Variants in CRHBP observed in about 807,000 individuals in gnomAD.
CRHBP encodes corticotropin releasing hormone binding protein.
In CRHBP, 19 loss-of-function variants were observed where a neutral mutation model predicts 34.9. That is an observed-to-expected ratio of 0.55 (90% CI 0.38 to 0.80). The LOEUF (loss-of-function observed/expected upper bound fraction) is 0.80, where lower values mean the gene tolerates loss of function less well. Ranked by LOEUF, CRHBP falls within the 30% of genes least tolerant of loss-of-function variation. The pLI, the probability that CRHBP is intolerant of heterozygous loss-of-function variation, is 0.00. For synonymous variants in CRHBP, 154 were observed against 153.4 expected, an observed-to-expected ratio of 1.00 and a Z score of -0.03; for missense variants, 328 against 409.2, an observed-to-expected ratio of 0.80 and a Z score of 1.71.
At chr5:76,973,929 G>T (rs1039204535), downstream of CRHBP, among the ~76,000 whole-genome samples, 1 of 149,564 alleles carries the variant, frequency 6.7e-6, no homozygotes, top group Non-Finnish European at 1.5e-5. Context: ...TCAGCCTCCC[G>T]AGAAGCTGGG....
chr5:76,953,733 C>T, intron 2 of CRHBP, 39 bp downstream of exon 2: 1 of 1,560,356 alleles, frequency 6.4e-7, no homozygotes, highest in Non-Finnish European at 8.7e-7. Context: ...GCCCGGGACG[C>T]GGGGAAGGTG....
At position 76,954,066 on chromosome 5, in the gene CRHBP, C is replaced by T; in HGVS notation, c.213C>T (p.Thr71=). ...TGCTGAGCCTCCAGGGCCAGTTCAC[C>T]TTCACCGCCGACCGGCCGCAGCTGC... ...LDMLSLQGQF[T]FTADRPQLHC... The change falls in exon 3 of 7, where the codon ACC becomes ACT. Residue 71 remains threonine, a synonymous_variant. Transcript: ENST00000274368. The T allele has an allele frequency of 6.2e-7, 1 of 1,613,984 alleles. No individual in the cohort carries two copies. The highest frequency in any genetic ancestry group is 1.1e-5 in the South Asian group (1 of 91,080).
intron 1 of CRHBP, 190 bp from the exon 2 acceptor site, chr5:76,953,411 T>A: frequency 1.2e-6 from 1 of 844,882 alleles, no homozygotes; most frequent in Non-Finnish European, 1.9e-6. Flanking sequence ...CCTGCCTTCC[T>A]CTGGCCGCTG....
intron 2 of CRHBP, 140 bp downstream of exon 2, chr5:76,953,834 C>T: frequency 1.7e-6 from 2 of 1,170,342 alleles, no homozygotes; most frequent in Non-Finnish European, 2.3e-6. Flanking sequence ...AGCTAAGGAT[C>T]GGTCCGCGGA....
intron 1 of CRHBP, 40 bp downstream of exon 1, chr5:76,953,255 G>C (rs375478994): frequency 1.3e-6 from 2 of 1,591,974 alleles, no homozygotes; most frequent in African/African-American, 2.7e-5. Context: ...CCTTCCTTGC[G>C]TGTTAGCCCT....
chr5:76,954,237 T>C (rs1452604233), intron 3 of CRHBP, 51 bp downstream of exon 3: 4 of 1,588,466 alleles, frequency 2.5e-6, no homozygotes, highest in Admixed American at 1.7e-5. Flanking sequence ...ACGGGAGGGT[T>C]GGAAAGGGCT....
chr5:76,972,570 G>A (rs1379411984), downstream of CRHBP, among the ~76,000 whole-genome samples: 2 of 152,188 alleles, frequency 1.3e-5, no homozygotes, highest in African/African-American at 2.4e-5. Context: ...GGGCTCAAGC[G>A]ATCCACCCAC....
At position 76,955,958 on chromosome 5, in the gene CRHBP, A is replaced by T. The variant is rs1745662024; in HGVS notation, c.544+95A>T. 5 of 1,051,474 alleles carry T rather than the reference A, an allele frequency of 4.8e-6. No individual in the cohort carries two copies. The South Asian group carries it at 8.8e-5, about 18-fold the overall frequency. 65.1% of individuals were successfully genotyped at this position (1,051,474 alleles called of 1,614,324 possible). A position where few individuals can be genotyped will look rare whatever the true frequency, so the allele number is the denominator to read the frequency against. On this transcript the variant is annotated intron_variant, in intron 4 of 6. Coordinates refer to ENST00000274368, the MANE Select transcript of CRHBP (RefSeq NM_001882.4). ...AGACTTAAAGAAATTTGAACTGAGG[A>T]ATGATTTGAATGGAAATTTTTTTGT...
At position 76,958,758 on chromosome 5, in the gene CRHBP, C is replaced by T; in HGVS notation, c.562C>T (p.Gln188Ter). Residue 188 changes from glutamine (Q) to a stop codon, truncating the protein, a stop_gained, in exon 5 of 7, where the codon CAG (glutamine) becomes TAG (stop). Transcript: ENST00000274368. LOFTEE classifies it high-confidence loss of function. ...PNLFPCNVIS[Q>*]TPNGKFTLVV... The stretch of plus-strand genomic sequence containing the variant: ...CTACAAAGCTTGCAATGTCATTTCT[C>T]AGACTCCAAATGGAAAGTTTACCCT... 6.2e-7 allele frequency: 1 copy of T among 1,607,578 alleles called. No individual in the cohort carries two copies.
chr5:76,953,224 C>A lies in CRHBP; in HGVS notation c.81+9C>A. The A allele has an allele frequency of 6.2e-7, 1 of 1,613,092 alleles. No homozygotes were observed. Among genetic ancestry groups the A allele is most frequent in the Non-Finnish European group, 8.5e-7 (1 of 1,179,074 alleles). The stretch of plus-strand genomic sequence containing the variant: ...AAAGCCGGTACCTAGAGGTGAGCCA[C>A]CCCTGGACTGACCCATCTCACCTTC... On this transcript the variant is annotated intron_variant, in intron 1 of 6. Coordinates refer to ENST00000274368, the MANE Select transcript of CRHBP (RefSeq NM_001882.4).
chr5:76,970,802 A>C (rs1745933846), downstream of CRHBP, among the ~76,000 whole-genome samples: 1 of 152,206 alleles, frequency 6.6e-6, no homozygotes, highest in Non-Finnish European at 1.5e-5. Flanking sequence ...AACTTCTTTT[A>C]TTCCTAAGGG....
chr5:76,953,906 C>T, intron 2 of CRHBP, 123 bp from the exon 3 acceptor site: 2 of 1,302,132 alleles, frequency 1.5e-6, no homozygotes, highest in Non-Finnish European at 2.1e-6. Flanking sequence ...GCAGCCTAGG[C>T]TGGAAGTCGG....
chr5:76,975,832 A>ATCTATCTATCTATC (rs1266226710), intron 2 of CRHBP, among the ~76,000 whole-genome samples: 1 of 98,268 alleles, frequency 1.0e-5, no homozygotes, highest in African/African-American at 5.8e-5. Context: ...AAAAATATAT[A>ATCTATCTATCTATC]TATATATATA....
chr5:76,978,958 C>G (rs771548019), intron 3 of CRHBP, among the ~76,000 whole-genome samples: 3 of 152,126 alleles, frequency 2.0e-5, no homozygotes, highest in Non-Finnish European at 4.4e-5. Context: ...AAAGAAGAGT[C>G]AATTAATGTG....
downstream of CRHBP, among the ~76,000 whole-genome samples, chr5:76,974,035 C>G (rs1396264957): frequency 6.6e-6 from 1 of 151,384 alleles, no homozygotes; most frequent in Non-Finnish European, 1.5e-5. Flanking sequence ...CTCTGTCACC[C>G]AGACTGGAGT....
chr5:76,953,303 G>T (rs1745601134), intron 1 of CRHBP, 88 bp downstream of exon 1: 2 of 1,270,276 alleles, frequency 1.6e-6, no homozygotes, highest in East Asian at 4.8e-5. Context: ...CAGCCTTTTG[G>T]GGTTCGCTGT....
At chr5:76,966,502 T>C (rs1324872630) in intron 6 of CRHBP, among the ~76,000 whole-genome samples, 1 of 152,220 alleles carries the variant, frequency 6.6e-6, no homozygotes, top group African/African-American at 2.4e-5. Context: ...TAGCCTTTGA[T>C]CCGTCGCTAC....
downstream of CRHBP, among the ~76,000 whole-genome samples, chr5:76,973,425 T>A (rs72763263): frequency 0.22 from 33,338 of 152,082 alleles, 4,362 homozygotes; most frequent in African/African-American, 0.37. Flanking sequence ...TCCAGTAAAA[T>A]ATCTCTATAC....
chr5:76,959,121 C>T, intron 5 of CRHBP: 1 of 425,834 alleles, frequency 2.3e-6, no homozygotes, highest in Non-Finnish European at 4.1e-6. Flanking sequence ...TGAATACTTT[C>T]CCTGTGATGT....
Sources: allele counts gnomAD v4.1 joint callset (sites outside exome capture counted in the v4.1 genomes callset), GRCh38; gene constraint gnomAD v4.1.1; transcripts MANE v1.5; gene names NCBI Gene and HGNC (gene_info 2026-07-23, HGNC 2026-07-21).